The following BOLL variants were observed in gnomAD, a reference collection of about 807,000 sequenced individuals.
BOLL encodes boule RNA binding protein, also known as protein boule-like.
BOLL carries 23 observed loss-of-function variants against 44.4 expected under a neutral mutation model. The observed-to-expected ratio is 0.52, with a 90% CI of 0.37 to 0.73. The LOEUF (loss-of-function observed/expected upper bound fraction) is 0.73. Ranked by LOEUF, BOLL falls within the 30% of genes least tolerant of loss-of-function variation. The pLI, the probability that BOLL is intolerant of heterozygous loss-of-function variation, is 0.00. For missense variants in BOLL, 287 were observed against 338.3 expected, an observed-to-expected ratio of 0.85 and a Z score of 1.19; for synonymous variants, 97 against 110.8, an observed-to-expected ratio of 0.88 and a Z score of 0.78.
At chr2:197,742,156 A>T (rs1432128988) in intron 10 of BOLL, among the ~76,000 whole-genome samples, 1 of 152,228 alleles carries the variant, frequency 6.6e-6, no homozygotes, top group East Asian at 1.9e-4. Context: ...TTAAAAAGTC[A>T]GGAAACAACA....
At chr2:197,779,206 C>A (rs904215634) in intron 2 of BOLL, 140 bp from the exon 3 acceptor site, 29 of 581,948 alleles carry the variant, frequency 5.0e-5, no homozygotes, top group African/African-American at 4.8e-4. Flanking sequence ...AGTGCATAAA[C>A]CACTAGGTGA....
intron 9 of BOLL, 35 bp downstream of exon 9, chr2:197,756,393 A>AACTACCTCAT (rs762206805): frequency 5.4e-6 from 8 of 1,493,952 alleles, no homozygotes. Flanking sequence ...AACATGAGGT[A>AACTACCTCAT]GTTATAGATC....
chr2:197,770,757 T>C (rs1055998007), intron 6 of BOLL, among the ~76,000 whole-genome samples: 1 of 152,146 alleles, frequency 6.6e-6, no homozygotes, highest in Non-Finnish European at 1.5e-5. Context: ...ATGCTCATCA[T>C]CACTGGCCAT....
intron 3 of BOLL, among the ~76,000 whole-genome samples, chr2:197,778,706 A>T (rs1389416031): frequency 1.3e-5 from 2 of 151,718 alleles, no homozygotes; most frequent in Non-Finnish European, 2.9e-5. Context: ...TGCTACTTAC[A>T]TTAAGTGCTT....
At chr2:197,743,254 A>C in intron 9 of BOLL, 95 bp from the exon 10 acceptor site, 2 of 837,452 alleles carry the variant, frequency 2.4e-6, no homozygotes, top group South Asian at 5.7e-5. Context: ...CTAGCTATAC[A>C]ATGTAGAAAC....
chr2:197,759,799 G>C (rs1688671664), intron 7 of BOLL, among the ~76,000 whole-genome samples: 1 of 152,204 alleles, frequency 6.6e-6, no homozygotes, highest in African/African-American at 2.4e-5. Flanking sequence ...CCTCGTAGTA[G>C]CTGACATGCT....
chr2:197,783,902 TTC>T (rs762035990), intron 1 of BOLL, among the ~76,000 whole-genome samples: 2 of 152,204 alleles, frequency 1.3e-5, no homozygotes, highest in Admixed American at 6.5e-5. Flanking sequence ...CTTCATGAAA[TTC>T]TCTTATTGAA....
chr2:197,767,614 A>C (rs1689052989), intron 6 of BOLL, among the ~76,000 whole-genome samples: 1 of 151,946 alleles, frequency 6.6e-6, no homozygotes, highest in Non-Finnish European at 1.5e-5. Context: ...CTCAACCATG[A>C]GTGATTTTGT....
chr2:197,751,263 C>G (rs905887584), intron 9 of BOLL, among the ~76,000 whole-genome samples: 1 of 151,992 alleles, frequency 6.6e-6, no homozygotes, highest in Admixed American at 6.6e-5. Flanking sequence ...CAAACAAATT[C>G]AAAAGCTAGC....
At chr2:197,776,554 A>G (rs967969505) in intron 4 of BOLL, among the ~76,000 whole-genome samples, 1 of 151,974 alleles carries the variant, frequency 6.6e-6, no homozygotes, top group Non-Finnish European at 1.5e-5. Context: ...CATAACTGCC[A>G]CAAATAACAA....
At chr2:197,748,163 C>G (rs1236164272) in intron 9 of BOLL, among the ~76,000 whole-genome samples, 1 of 152,196 alleles carries the variant, frequency 6.6e-6, no homozygotes, top group Non-Finnish European at 1.5e-5. Flanking sequence ...ACTCCCTTCC[C>G]CAGCCAAGGG....
intron 10 of BOLL, among the ~76,000 whole-genome samples, chr2:197,735,936 T>G (rs189583211): frequency 6.6e-6 from 1 of 152,256 alleles, no homozygotes; most frequent in Admixed American, 6.6e-5. Context: ...AGGGAGGCAC[T>G]AAAATCCTAA....
chr2:197,769,516 G>A (rs915396859), intron 6 of BOLL, among the ~76,000 whole-genome samples: 4 of 152,114 alleles, frequency 2.6e-5, no homozygotes, highest in Non-Finnish European at 5.9e-5. Flanking sequence ...TCAGGCAGGA[G>A]AAAGAAATAA....
intron 9 of BOLL, among the ~76,000 whole-genome samples, chr2:197,750,541 A>T (rs1688193480): frequency 6.6e-6 from 1 of 152,238 alleles, no homozygotes; most frequent in African/African-American, 2.4e-5. Flanking sequence ...AGATCAAAAA[A>T]GACAAAGAAG....
intron 7 of BOLL, among the ~76,000 whole-genome samples, chr2:197,761,680 G>C (rs1688764376): frequency 6.6e-6 from 1 of 152,000 alleles, no homozygotes. Context: ...TAAAAAAAGA[G>C]ACCCAACTAT....
rs926788995 is a variant in BOLL, at chr2:197,730,889, G to A, written c.829-2311C>T. Among the ~76,000 whole-genome samples the A allele has an allele frequency of 8.6e-5, 13 of 151,868 alleles. 3 individuals are homozygous for A. The highest frequency in any genetic ancestry group is 3.1e-4 in the African/African-American group (13 of 41,400). ...AAAATGTAAAGACCATCGAGACTAG[G>A]AAGAAACTGCATCAACTAATGAGAA... On this transcript the variant is annotated intron_variant, in intron 10 of 10. Coordinates refer to ENST00000392296, the MANE Select transcript of BOLL (RefSeq NM_033030.6).
chr2:197,752,602 T>G (rs931825279), intron 9 of BOLL, among the ~76,000 whole-genome samples: 1 of 152,152 alleles, frequency 6.6e-6, no homozygotes, highest in Non-Finnish European at 1.5e-5. Context: ...ACAAGGGATG[T>G]GAAGGACCTC....
intron 9 of BOLL, among the ~76,000 whole-genome samples, chr2:197,746,337 T>C (rs1687984268): frequency 6.6e-6 from 1 of 152,274 alleles, no homozygotes; most frequent in East Asian, 1.9e-4. Context: ...TAAAAAGATA[T>C]CTCCATTTCC....
intron 2 of BOLL, 75 bp downstream of exon 2, chr2:197,781,647 G>C (rs970905072): frequency 1.9e-5 from 24 of 1,283,440 alleles, no homozygotes; most frequent in African/African-American, 3.0e-5. Flanking sequence ...TTTTATAGTT[G>C]CACAAAGAAA....
Sources: allele counts gnomAD v4.1 joint callset (sites outside exome capture counted in the v4.1 genomes callset), GRCh38; gene constraint gnomAD v4.1.1; transcripts MANE v1.5; gene names NCBI Gene and HGNC (gene_info 2026-07-23, HGNC 2026-07-21).